CDIN1: variants seen among roughly 807,000 people sequenced by gnomAD.
The protein encoded by CDIN1 is CDAN1-interacting nuclease 1.
CDIN1 carries 33 observed loss-of-function variants against 45.3 expected under a neutral mutation model. The ratio of observed to expected loss-of-function variants is 0.73; its 90% confidence interval spans 0.55 to 0.97. The LOEUF (loss-of-function observed/expected upper bound fraction) is 0.97. Among genes scored for constraint, CDIN1 ranks in the 50% least tolerant of loss-of-function variants. The probability of loss-of-function intolerance (pLI) is 0.00; values close to 1 mark genes in which losing one functional copy is unlikely to be tolerated. For synonymous variants in CDIN1, 118 were observed against 124.4 expected (o/e 0.95, Z 0.34); for missense variants, 303 against 339.4 (o/e 0.89, Z 0.84).
At chr15:36,627,668 A>C (rs2039497982) in intron 1 of CDIN1, 1 of 152,336 alleles carries the variant, frequency 6.6e-6, no homozygotes, top group South Asian at 2.1e-4. Context: ...CACGTGGTCC[A>C]TCCGATCTAC....
At chr15:36,605,771 G>T (rs1417491110) in intron 1 of CDIN1, among the ~76,000 whole-genome samples, 2 of 152,198 alleles carry the variant, frequency 1.3e-5, no homozygotes, top group Non-Finnish European at 2.9e-5. Flanking sequence ...GTATCTTAAA[G>T]AGTGGAGTGA....
chr15:36,621,241 T>A (rs2039173023), intron 1 of CDIN1, among the ~76,000 whole-genome samples: 1 of 152,222 alleles, frequency 6.6e-6, no homozygotes, highest in African/African-American at 2.4e-5. Context: ...GTAAGCATCT[T>A]GGTAATATAT....
chr15:36,652,932 A>G (rs1380508901), intron 3 of CDIN1, among the ~76,000 whole-genome samples: 4 of 152,190 alleles, frequency 2.6e-5, no homozygotes, highest in Non-Finnish European at 4.4e-5. Flanking sequence ...GAAAATTTCC[A>G]TACCTAATTC....
chr15:36,631,997 G>A (rs934511421), intron 1 of CDIN1, among the ~76,000 whole-genome samples: 2 of 151,798 alleles, frequency 1.3e-5, no homozygotes, highest in Non-Finnish European at 2.9e-5. Context: ...CGCCCAGCTA[G>A]CTTTTTAAGG....
chr15:36,767,539 A>G (rs1213745367), intron 10 of CDIN1, among the ~76,000 whole-genome samples: 1 of 152,234 alleles, frequency 6.6e-6, no homozygotes, highest in African/African-American at 2.4e-5. Context: ...TTATAAATGT[A>G]TTAGTCACTG....
intron 10 of CDIN1, among the ~76,000 whole-genome samples, chr15:36,801,870 T>C (rs891585428): frequency 6.6e-6 from 1 of 152,216 alleles, no homozygotes; most frequent in Non-Finnish European, 1.5e-5. Context: ...TGGTGATACT[T>C]AAATTGAAAT....
chr15:36,604,730 A>G (rs2038281291), intron 1 of CDIN1, among the ~76,000 whole-genome samples: 1 of 152,168 alleles, frequency 6.6e-6, no homozygotes, highest in Non-Finnish European at 1.5e-5. Flanking sequence ...AAGAATTTAT[A>G]TATGAAGAAA....
At chr15:36,699,763 C>T (rs2042566045) in intron 8 of CDIN1, among the ~76,000 whole-genome samples, 1 of 152,092 alleles carries the variant, frequency 6.6e-6, no homozygotes, top group Non-Finnish European at 1.5e-5. Flanking sequence ...GTCCTTGGTT[C>T]ATAACTACAT....
chr15:36,762,668 G>A (rs866558353), intron 10 of CDIN1, among the ~76,000 whole-genome samples: 8 of 145,990 alleles, frequency 5.5e-5, no homozygotes, highest in Non-Finnish European at 9.0e-5. Flanking sequence ...GACAGGCCCC[G>A]GTGTGTGATG....
intron 10 of CDIN1, among the ~76,000 whole-genome samples, chr15:36,784,154 A>G (rs1409785534): frequency 6.6e-6 from 1 of 152,220 alleles, no homozygotes; most frequent in Non-Finnish European, 1.5e-5. Flanking sequence ...TATTCCTTTA[A>G]ATTGTCTCAA....
At chr15:36,637,567 G>A (rs1441285373) in intron 1 of CDIN1, among the ~76,000 whole-genome samples, 1 of 152,186 alleles carries the variant, frequency 6.6e-6, no homozygotes, top group East Asian at 1.9e-4. Context: ...GACAGTATCT[G>A]CTGAAGTGGA....
chr15:36,753,856 G>A (rs1475374696), intron 10 of CDIN1, among the ~76,000 whole-genome samples: 1 of 152,052 alleles, frequency 6.6e-6, no homozygotes, highest in Admixed American at 6.6e-5. Flanking sequence ...AAGAACATTT[G>A]TTAGACTCTT....
chr15:36,742,214 A>G (rs1341756228), intron 10 of CDIN1, among the ~76,000 whole-genome samples: 2 of 152,196 alleles, frequency 1.3e-5, no homozygotes, highest in Admixed American at 1.3e-4. Flanking sequence ...GACCACCGTC[A>G]AAGACCCAAC....
At position 36,599,122 on chromosome 15, in the gene CDIN1, T is replaced by G. The variant is rs1289211459; in HGVS notation, c.101+19161T>G. Among the ~76,000 whole-genome samples the G allele has an allele frequency of 8.8e-5, 13 of 147,788 alleles. No individual in the cohort carries two copies. The East Asian group carries it at 1.2e-3, about 14-fold the overall frequency. On this transcript the variant is annotated intron_variant, in intron 1 of 10. Transcript: ENST00000566621. ...AGCATACTTGCTTTTTTTTTTTTTT[T>G]GGGAGGGGAGCAGTACTGTTCTAAC...
At chr15:36,642,946 C>A (rs1001067651) in intron 1 of CDIN1, among the ~76,000 whole-genome samples, 1 of 152,074 alleles carries the variant, frequency 6.6e-6, no homozygotes, top group Admixed American at 6.6e-5. Context: ...CTCCCTCCCA[C>A]CCCAGAAGAT....
chr15:36,759,756 T>TA (rs1440114469), intron 10 of CDIN1, among the ~76,000 whole-genome samples: 1 of 152,112 alleles, frequency 6.6e-6, no homozygotes, highest in Non-Finnish European at 1.5e-5. Context: ...TCCAGAAACT[T>TA]ACAATCATGG....
chr15:36,801,149 A>G (rs2055031818), intron 10 of CDIN1, among the ~76,000 whole-genome samples: 1 of 151,464 alleles, frequency 6.6e-6, no homozygotes, highest in Admixed American at 6.6e-5. Context: ...CTAGATGCAG[A>G]TTTATATTGT....
At chr15:36,688,334 G>A (rs765539079) in intron 5 of CDIN1, among the ~76,000 whole-genome samples, 71 of 151,980 alleles carry the variant, frequency 4.7e-4, no homozygotes, top group Non-Finnish European at 7.8e-4. Context: ...GGTCAGGGTG[G>A]TGAGTGCACA....
At chr15:36,755,997 C>G (rs755765762) in intron 10 of CDIN1, 1 of 452,102 alleles carries the variant, frequency 2.2e-6, no homozygotes, top group Non-Finnish European at 4.4e-6. Context: ...CCACACTTAC[C>G]AGGTCTTTAT....
Sources: allele counts gnomAD v4.1 joint callset (sites outside exome capture counted in the v4.1 genomes callset), GRCh38; gene constraint gnomAD v4.1.1; transcripts MANE v1.5; gene names NCBI Gene and HGNC (gene_info 2026-07-23, HGNC 2026-07-21).